STRN4: variants seen among roughly 807,000 people sequenced by gnomAD.
STRN4 encodes the protein striatin-4.
STRN4 carries 27 observed loss-of-function variants against 77.9 expected under a neutral mutation model. The ratio of observed to expected loss-of-function variants is 0.35; its 90% CI spans 0.26 to 0.48. The LOEUF (loss-of-function observed/expected upper bound fraction) is 0.48. Among genes scored for constraint, STRN4 ranks in the 20% least tolerant of loss-of-function variants. The pLI, the probability that STRN4 is intolerant of heterozygous loss-of-function variation, is 0.99. For synonymous variants in STRN4, 466 were observed against 443.1 expected (o/e 1.05, Z -0.65); for missense variants, 798 against 1,049.7 (o/e 0.76, Z 3.31).
intron 4 of STRN4, among the ~76,000 whole-genome samples, chr19:46,735,944 A>G (rs1010122344): frequency 1.1e-4 from 16 of 151,412 alleles, no homozygotes; most frequent in African/African-American, 3.9e-4. Context: ...AGCCTGGGCA[A>G]CAAGAGCGAA....
rs971145204 is a variant in STRN4, at chr19:46,719,600, C to T, written c.*805G>A. On this transcript the variant is annotated 3_prime_UTR_variant, in exon 18 of 18. Coordinates refer to ENST00000263280, the MANE Select transcript of STRN4 (RefSeq NM_013403.3). Reference sequence around the variant, plus strand: ...TATAAACAGGAACCTGGAAGGGGACCGAGGGTGCAGGGTAGAACCAAACAA... The same window carrying T: ...TATAAACAGGAACCTGGAAGGGGACTGAGGGTGCAGGGTAGAACCAAACAA... 3 of 152,498 alleles carry T rather than the reference C, an allele frequency of 2.0e-5. No homozygotes were observed. Among genetic ancestry groups the T allele is most frequent in the Non-Finnish European group, 2.9e-5 (2 of 68,096 alleles). The allele number at this position is 152,498 out of a possible 1,614,324, so 9.4% of individuals were successfully genotyped here.
At position 46,746,083 on chromosome 19, in the gene STRN4, G is replaced by C. The variant is rs531446425; in HGVS notation, c.282+66C>G. The C allele has an allele frequency of 3.8e-6, 5 of 1,331,808 alleles. No individual in the cohort carries two copies. The East Asian group carries it at 1.3e-4, about 35-fold the overall frequency. 82.5% of individuals were successfully genotyped at this position (1,331,808 alleles called of 1,614,324 possible). A position where few individuals can be genotyped will look rare whatever the true frequency, so the allele number is the denominator to read the frequency against. On this transcript the variant is annotated intron_variant, in intron 1 of 17. Transcript: ENST00000263280. ...ATTGCTCCAAGATGGCGGCGGCGGC[G>C]GCAGCGGGTGAGGCCGGGCCGGGCC...
intron 7 of STRN4, 126 bp from the exon 8 acceptor site, chr19:46,728,133 G>T: frequency 1.1e-6 from 1 of 917,386 alleles, no homozygotes; most frequent in Non-Finnish European, 1.7e-6. Context: ...GGCCCTGGGG[G>T]AGGGGGGGAA....
chr19:46,730,632 C>T lies in STRN4; in HGVS notation c.879+100G>A. ...CTGTGTGTCTCCATATCCCTGCTGCCAGCACACACCGCAGCCCCTGAAGGC... is the reference window on the plus strand; with the variant it reads ...CTGTGTGTCTCCATATCCCTGCTGCTAGCACACACCGCAGCCCCTGAAGGC... On this transcript the variant is annotated intron_variant, in intron 6 of 17. Transcript: ENST00000263280. The T allele has an allele frequency of 2.0e-6, 3 of 1,525,874 alleles. No homozygotes were observed. In the Admixed American group the frequency reaches 5.3e-5, roughly 27 times the overall value. The allele number at this position is 1,525,874 out of a possible 1,614,324, so 94.5% of individuals were successfully genotyped here. A position where few individuals can be genotyped will look rare whatever the true frequency, so the allele number is the denominator to read the frequency against.
chr19:46,722,452 G>C (rs893031145), intron 14 of STRN4, 112 bp from the exon 15 acceptor site: 40 of 1,169,576 alleles, frequency 3.4e-5, no homozygotes, highest in Non-Finnish European at 5.0e-5. Flanking sequence ...CCTGGATGTC[G>C]AGGGGGGCTG....
chr19:46,721,333 C>T (rs3786704), intron 16 of STRN4: 11,146 of 153,296 alleles, frequency 0.073, 474 homozygotes, highest in East Asian at 0.096. Context: ...CAGCTCCCTC[C>T]ACTGTCTAGT....
intron 3 of STRN4, among the ~76,000 whole-genome samples, chr19:46,737,705 G>A (rs370312825): frequency 1.6e-3 from 248 of 152,218 alleles, no homozygotes; most frequent in African/African-American, 5.8e-3. Flanking sequence ...GGGACCAGAG[G>A]GTAGAGACCA....
At chr19:46,732,995 T>G in intron 5 of STRN4, 44 bp downstream of exon 5, 2 of 1,572,504 alleles carry the variant, frequency 1.3e-6, no homozygotes, top group Non-Finnish European at 1.7e-6. Context: ...TCACCAGCAG[T>G]CAGGAGGAAC....
At chr19:46,729,385 G>A (rs1008951283) in intron 6 of STRN4, among the ~76,000 whole-genome samples, 1 of 152,140 alleles carries the variant, frequency 6.6e-6, no homozygotes, top group Non-Finnish European at 1.5e-5. Flanking sequence ...TGCCCACTGT[G>A]AACTCCTCCA....
intron 1 of STRN4, among the ~76,000 whole-genome samples, chr19:46,740,832 G>T (rs926649017): frequency 6.6e-6 from 1 of 152,102 alleles, no homozygotes; most frequent in Non-Finnish European, 1.5e-5. Flanking sequence ...ACCCCATTGC[G>T]GGAGCGAAGG....
intron 14 of STRN4, 84 bp from the exon 15 acceptor site, chr19:46,722,424 C>T: frequency 1.5e-6 from 2 of 1,368,948 alleles, no homozygotes; most frequent in South Asian, 1.2e-5. Flanking sequence ...AGCGTGACAG[C>T]CCCTACACCA....
intron 14 of STRN4, 117 bp downstream of exon 14, chr19:46,722,693 C>CTG (rs2054008700): frequency 6.8e-7 from 1 of 1,465,162 alleles, no homozygotes; most frequent in Admixed American, 1.9e-5. Context: ...TGCTCAGGGC[C>CTG]TGAGGGTGCA....
At position 46,746,191 on chromosome 19, in the gene STRN4, T is replaced by C; in HGVS notation, c.240A>G (p.Glu80=). ...HFIQHEWARF[E]AEKARWEAER... The stretch of plus-strand genomic sequence containing the variant: ...CGGCCTCCCAGCGGGCTTTCTCGGC[T>C]TCGAAGCGCGCCCACTCGTGCTGGA... The change falls in exon 1 of 18, where the codon GAA becomes GAG. Residue 80 remains glutamate, a synonymous_variant. Transcript: ENST00000263280. The C allele has an allele frequency of 6.5e-7, 1 of 1,539,156 alleles. No individual in the cohort carries two copies. The highest frequency in any genetic ancestry group is 8.7e-7 in the Non-Finnish European group (1 of 1,151,072).
In STRN4 at chr19:46,738,349, G is replaced by T. The variant is rs1280579410; in HGVS notation, c.387-112C>A. On this transcript the variant is annotated intron_variant, in intron 2 of 17. Coordinates refer to ENST00000263280, the MANE Select transcript of STRN4 (RefSeq NM_013403.3). The surrounding 1 kb of genome is among the most constrained non-coding windows in gnomAD (Gnocchi z 4.5). ...CAAATCACAGGGCCTCCCCCAGCTC[G>T]TCTACTACTGAGGCTGAAGCATCCC... The T allele has an allele frequency of 2.0e-6, 2 of 1,006,752 alleles. No homozygotes were observed. The highest frequency in any genetic ancestry group is 1.9e-5 in the Admixed American group (1 of 54,042). The allele number at this position is 1,006,752 out of a possible 1,614,324, so 62.4% of individuals were successfully genotyped here.
Position 46,724,798 on chromosome 19 carries a change from T to C in STRN4, c.1594+9A>G. 2 of 1,613,876 alleles carry C rather than the reference T, an allele frequency of 1.2e-6. No individual in the cohort carries two copies. Among genetic ancestry groups the C allele is most frequent in the Non-Finnish European group, 1.7e-6 (2 of 1,179,992 alleles). The stretch of plus-strand genomic sequence containing the variant: ...GATGTGAGGGGAAGGCGGGAGGCGT[T>C]GTCCTCACCGTAGCCATCATAGGGA... On this transcript the variant is annotated intron_variant, in intron 12 of 17. Transcript: ENST00000263280.
rs965261762 is a variant in STRN4 at position 46,738,043 on chromosome 19, C to T, written c.460+121G>A. 8.7e-6 allele frequency: 9 copies of T among 1,029,130 alleles called. No individual in the cohort carries two copies. Among genetic ancestry groups the T allele is most frequent in the South Asian group, 2.6e-5 (2 of 76,890 alleles). The allele number at this position is 1,029,130 out of a possible 1,614,324, so 63.7% of individuals were successfully genotyped here. A position where few individuals can be genotyped will look rare whatever the true frequency, so the allele number is the denominator to read the frequency against. On this transcript the variant is annotated intron_variant, in intron 3 of 17. Coordinates refer to ENST00000263280, the MANE Select transcript of STRN4 (RefSeq NM_013403.3). This position sits in a 1 kb window ranked among gnomAD's most constrained non-coding sequence, Gnocchi z 4.5. ...GTGAGATTCCGCCCCTCCCCAGCCC[C>T]GGGGCCGATTCTGCCTTCTAAGGAG...
chr19:46,734,592 G>A (rs2054320704), intron 4 of STRN4, among the ~76,000 whole-genome samples: 1 of 152,130 alleles, frequency 6.6e-6, no homozygotes, highest in Non-Finnish European at 1.5e-5. Context: ...TCCTCCATAG[G>A]ACCAAAGGAA....
At position 46,724,880 on chromosome 19, in the gene STRN4, G is replaced by A. The variant is rs2054071111; in HGVS notation, c.1521C>T (p.Tyr507=). ...VAMGSNSEYC[Y]SGGADACIHS... ...GGATGCAGGCATCTGCCCCGCCACT[G>A]TAGCAGTATTCACTGTTGCTGCCCA... is the stretch of plus-strand genomic sequence containing the variant. The change falls in exon 12 of 18, where the codon TAC becomes TAT. Residue 507 remains tyrosine, a synonymous_variant. Coordinates refer to ENST00000263280, the MANE Select transcript of STRN4 (RefSeq NM_013403.3). 2 of 1,614,072 alleles carry A rather than the reference G, an allele frequency of 1.2e-6. No individual in the cohort carries two copies.
At chr19:46,734,418 G>C (rs955465320) in intron 4 of STRN4, among the ~76,000 whole-genome samples, 2 of 152,140 alleles carry the variant, frequency 1.3e-5, no homozygotes, top group African/African-American at 4.8e-5. Context: ...CCCACTTCCA[G>C]ATATCTAACT....
Sources: allele counts gnomAD v4.1 joint callset (sites outside exome capture counted in the v4.1 genomes callset), GRCh38; gene constraint gnomAD v4.1.1; non-coding constraint Gnocchi (gnomAD v3.1); transcripts MANE v1.5; gene names NCBI Gene and HGNC (gene_info 2026-07-23, HGNC 2026-07-21).